PDCD6: variants seen among roughly 807,000 people sequenced by gnomAD.
PDCD6 encodes the protein programmed cell death protein 6.
Under a neutral mutation model 28.3 loss-of-function variants are expected in PDCD6, and 12 were observed. The observed-to-expected ratio is 0.42, with a 90% CI of 0.27 to 0.69. The LOEUF is 0.69. Among genes scored for constraint, PDCD6 ranks in the 30% least tolerant of loss-of-function variants. The pLI is 0.22. For synonymous variants in PDCD6, 92 were observed against 108.0 expected (o/e 0.85, Z 0.92); for missense variants, 226 against 269.9 (o/e 0.84, Z 1.14).
At position 305,501 on chromosome 5, in the gene PDCD6, C is replaced by G. The variant is rs1231347140; in HGVS notation, c.209-1101C>G. On this transcript the variant is annotated intron_variant, in intron 3 of 5. Transcript: ENST00000264933. The surrounding 1 kb of genome is among the most constrained non-coding windows in gnomAD (Gnocchi z 4.0). ...GAAGTGTAGTAGTGGCAGGGCTCAG[C>G]CTTTAGTGCTAGAAAAGGTGTTGAT... 2 of 152,116 alleles carry G rather than the reference C, an allele frequency of 1.3e-5. No homozygotes were observed. The highest frequency in any genetic ancestry group is 4.8e-5 in the African/African-American group (2 of 41,398). The allele number at this position is 152,116 out of a possible 1,614,324, so 9.4% of individuals were successfully genotyped here.
intron 2 of PDCD6, among the ~76,000 whole-genome samples, chr5:278,858 TGCTGGGGACACGGGAGGG>T (rs1370070550): frequency 1.4e-5 from 1 of 72,726 alleles, no homozygotes; most frequent in Non-Finnish European, 2.7e-5. Flanking sequence ...CGGGGGAGGG[TGCTGGGGACACGGGAGGG>T]GCTGGGGACA....
At chr5:299,160 T>C (rs1243591994) in intron 2 of PDCD6, among the ~76,000 whole-genome samples, 1 of 1,914 alleles carries the variant, frequency 5.2e-4, no homozygotes. Context: ...CCCCAACTGC[T>C]CCCCCCAGCT....
Position 298,631 on chromosome 5 carries a change from C to T in PDCD6, c.164-5546C>T, listed in dbSNP as rs1163859971. Among the ~76,000 whole-genome samples, 54 of 121,880 alleles carry T rather than the reference C, an allele frequency of 4.4e-4. 1 individual carries two copies. Among genetic ancestry groups the T allele is most frequent in the African/African-American group, 1.6e-3 (54 of 33,860 alleles). The allele number at this position is 121,880 out of a possible 152,430, so 80.0% of individuals were successfully genotyped here. ...TGCAGCCAGCGGACCCTGCCCCCAC[C>T]CAGCTGCTCCCCCCAGCTGCTCCCA... On this transcript the variant is annotated intron_variant, in intron 2 of 5. Coordinates refer to ENST00000264933, the MANE Select transcript of PDCD6 (RefSeq NM_013232.4).
intron 4 of PDCD6, chr5:309,642 A>G (rs2126777361): frequency 6.5e-6 from 1 of 153,272 alleles, no homozygotes; most frequent in Non-Finnish European, 1.2e-5. Context: ...CACACCAGTG[A>G]GGGCCGCCGT....
chr5:279,711 G>A (rs1423560307), intron 2 of PDCD6, among the ~76,000 whole-genome samples: 4 of 150,472 alleles, frequency 2.7e-5, no homozygotes, highest in African/African-American at 9.9e-5. Flanking sequence ...TTTCTAGAGG[G>A]GAAGGCAGAT....
chr5:300,553 A>G (rs938229804), intron 2 of PDCD6, among the ~76,000 whole-genome samples: 12 of 152,000 alleles, frequency 7.9e-5, no homozygotes, highest in African/African-American at 2.2e-4. Context: ...GTGACAAGTG[A>G]CTCCATGGCC....
intron 2 of PDCD6, among the ~76,000 whole-genome samples, chr5:277,468 A>G (rs1053181707): frequency 1.3e-5 from 2 of 151,414 alleles, no homozygotes; most frequent in Non-Finnish European, 1.5e-5. Context: ...TGCCTGGCTA[A>G]TTTTTTGTCT....
At chr5:294,158 A>G (rs1739456147) in intron 2 of PDCD6, among the ~76,000 whole-genome samples, 1 of 151,768 alleles carries the variant, frequency 6.6e-6, no homozygotes, top group African/African-American at 2.4e-5. Context: ...GTTCTTAGAC[A>G]TGACACCAAA....
At chr5:302,386 A>G (rs1740137883) in intron 2 of PDCD6, among the ~76,000 whole-genome samples, 1 of 112,110 alleles carries the variant, frequency 8.9e-6, no homozygotes, top group African/African-American at 4.9e-5. Context: ...TGGGTCGTGG[A>G]GTGCTGCTCT....
intron 5 of PDCD6, chr5:312,216 G>A (rs1307011541): frequency 6.6e-6 from 1 of 152,166 alleles, no homozygotes; most frequent in South Asian, 2.1e-4. Flanking sequence ...TCTCCTGCTG[G>A]GCTCTCTTTG....
In PDCD6 at chr5:296,231, C is replaced by T. The variant is rs141095706; in HGVS notation, c.164-7946C>T. Among the ~76,000 whole-genome samples the T allele has an allele frequency of 2.7e-3, 404 of 152,284 alleles. 4 individuals carry two copies. Among genetic ancestry groups the T allele is most frequent in the South Asian group, 1.7e-3 (8 of 4,824 alleles). Reference sequence around the variant, plus strand: ...AGGCCAGTTCAACACCAGATCTGATCGGCCACGACACCTGCTGCTCGACCC... The same window carrying T: ...AGGCCAGTTCAACACCAGATCTGATTGGCCACGACACCTGCTGCTCGACCC... On this transcript the variant is annotated intron_variant, in intron 2 of 5. Coordinates refer to ENST00000264933, the MANE Select transcript of PDCD6 (RefSeq NM_013232.4).
intron 5 of PDCD6, 31 bp from the exon 6 acceptor site, chr5:314,386 A>G (rs1436367064): frequency 2.0e-6 from 3 of 1,510,396 alleles, no homozygotes; most frequent in Non-Finnish European, 2.8e-6. Context: ...TCCATTTACT[A>G]TCGAGATTTA....
At chr5:273,935 GT>G (rs34990391) in intron 2 of PDCD6, among the ~76,000 whole-genome samples, 68,890 of 146,074 alleles carry the variant, frequency 0.47, 18,081 homozygotes, top group Non-Finnish European at 0.61. Flanking sequence ...TTAAATCCTC[GT>G]TTTTTTTTTT....
intron 2 of PDCD6, among the ~76,000 whole-genome samples, chr5:291,091 C>T (rs1007894129): frequency 6.6e-5 from 10 of 152,126 alleles, no homozygotes; most frequent in African/African-American, 1.2e-4. Context: ...GCCTGAGTCC[C>T]GGGTCCCTTC....
At chr5:294,113 C>T (rs1337740299) in intron 2 of PDCD6, among the ~76,000 whole-genome samples, 1 of 151,052 alleles carries the variant, frequency 6.6e-6, no homozygotes, top group East Asian at 1.9e-4. Context: ...GATAAAAACA[C>T]AGGAAAATTT....
At chr5:312,455 T>C (rs1365103853) in intron 5 of PDCD6, 1 of 152,232 alleles carries the variant, frequency 6.6e-6, no homozygotes, top group Non-Finnish European at 1.5e-5. Context: ...ATAATTAAGA[T>C]GCTAGATCTG....
chr5:272,069 G>A (rs928705873), intron 1 of PDCD6, among the ~76,000 whole-genome samples: 5 of 151,016 alleles, frequency 3.3e-5, no homozygotes, highest in African/African-American at 1.2e-4. Flanking sequence ...GTCTCCTGGG[G>A]CCGCCCCTGC....
Position 311,363 on chromosome 5 carries a change from T to C in PDCD6, c.438T>C (p.Ile146=), listed in dbSNP as rs2244029. ...RKFDRQGRGQ[I]AFDDFIQGCI... is the part of the protein sequence containing the mutation. Reference sequence around the variant, plus strand: ...TTGACAGGCAGGGACGGGGGCAGATTGCCTTCGACGACTTCATCCAGGGCT... The same window carrying C: ...TTGACAGGCAGGGACGGGGGCAGATCGCCTTCGACGACTTCATCCAGGGCT... The change falls in exon 5 of 6, where the codon ATT becomes ATC. Residue 146 remains isoleucine (I), a synonymous_variant. Transcript: ENST00000264933. 0.69 allele frequency: 1,117,925 copies of C among 1,613,064 alleles called. 393,576 individuals are homozygous for C. The highest frequency in any genetic ancestry group is 0.77 in the African/African-American group (57,589 of 74,932).
intron 2 of PDCD6, among the ~76,000 whole-genome samples, chr5:292,314 A>C (rs1323443660): frequency 1.3e-5 from 2 of 148,928 alleles, no homozygotes; most frequent in Non-Finnish European, 2.9e-5. Flanking sequence ...GCTGGAATGC[A>C]GTGGTGTGAT....
Sources: allele counts gnomAD v4.1 joint callset (sites outside exome capture counted in the v4.1 genomes callset), GRCh38; gene constraint gnomAD v4.1.1; non-coding constraint Gnocchi (gnomAD v3.1); transcripts MANE v1.5; gene names NCBI Gene and HGNC (gene_info 2026-07-23, HGNC 2026-07-21).